Variants in CTNNA3 observed in about 807,000 individuals in gnomAD.
The protein encoded by CTNNA3 is catenin alpha 3.
Under a neutral mutation model 95.7 loss-of-function variants are expected in CTNNA3, and 76 were observed. The observed-to-expected ratio is 0.79, with a 90% CI of 0.66 to 0.96. CTNNA3 has a LOEUF of 0.96. CTNNA3 is among the 40% of genes least tolerant of loss of function. CTNNA3 has a pLI of 0.00. For missense variants in CTNNA3, 1,191 were observed against 1,089.8 expected, an observed-to-expected ratio of 1.09 and a Z score of -1.31; for synonymous variants, 431 against 374.4, an observed-to-expected ratio of 1.15 and a Z score of -1.74.
chr10:66,989,827 T>C (rs1429121677), intron 7 of CTNNA3, among the ~76,000 whole-genome samples: 1 of 152,156 alleles, frequency 6.6e-6, no homozygotes, highest in Non-Finnish European at 1.5e-5. Flanking sequence ...TGAGTGCTTT[T>C]ATTATCCACT....
chr10:66,546,177 T>C (rs572739385), intron 10 of CTNNA3, among the ~76,000 whole-genome samples: 2 of 152,140 alleles, frequency 1.3e-5, no homozygotes, highest in East Asian at 1.9e-4. Context: ...CCCAAGCTTA[T>C]GAAGATATTC....
At chr10:67,648,883 G>T (rs1329292492) in intron 1 of CTNNA3, 4 of 953,120 alleles carry the variant, frequency 4.2e-6, no homozygotes, top group Non-Finnish European at 5.6e-6. Context: ...TCTCTCAAAT[G>T]CATTTCTAGA....
At chr10:67,320,676 T>A (rs919029322) in intron 5 of CTNNA3, among the ~76,000 whole-genome samples, 1 of 152,148 alleles carries the variant, frequency 6.6e-6, no homozygotes, top group Non-Finnish European at 1.5e-5. Context: ...GCCTGGTAGG[T>A]ATTCAATAAA....
intron 7 of CTNNA3, among the ~76,000 whole-genome samples, chr10:66,818,809 A>T (rs1405271195): frequency 6.6e-6 from 1 of 152,060 alleles, no homozygotes; most frequent in African/African-American, 2.4e-5. Flanking sequence ...AGACAATCAT[A>T]GAAAAAAGTT....
intron 14 of CTNNA3, among the ~76,000 whole-genome samples, chr10:66,100,419 T>G (rs2081575439): frequency 6.6e-6 from 1 of 152,144 alleles, no homozygotes; most frequent in Non-Finnish European, 1.5e-5. Flanking sequence ...TTATTTGGGA[T>G]TTATGCAGAG....
chr10:67,731,365 A>G (rs958785555), intron 1 of CTNNA3, among the ~76,000 whole-genome samples: 2 of 152,020 alleles, frequency 1.3e-5, no homozygotes, highest in Non-Finnish European at 2.9e-5. Context: ...TAAAAATACA[A>G]AAATTAGCCA....
intron 14 of CTNNA3, among the ~76,000 whole-genome samples, chr10:66,102,663 T>C (rs1484833757): frequency 2.0e-5 from 3 of 151,906 alleles, no homozygotes; most frequent in African/African-American, 7.3e-5. Flanking sequence ...ATTCAGAAAT[T>C]AGAATAACAT....
chr10:66,020,009 T>G (rs996962956), intron 15 of CTNNA3, among the ~76,000 whole-genome samples: 1 of 152,232 alleles, frequency 6.6e-6, no homozygotes, highest in Non-Finnish European at 1.5e-5. Flanking sequence ...TACCTGATTT[T>G]TAAGCATTTA....
intron 10 of CTNNA3, among the ~76,000 whole-genome samples, chr10:66,583,066 C>G (rs994056826): frequency 6.6e-6 from 1 of 151,800 alleles, no homozygotes. Context: ...ATTTTTGCAT[C>G]TATATTCATC....
intron 5 of CTNNA3, among the ~76,000 whole-genome samples, chr10:67,372,413 A>G (rs188274000): frequency 2.6e-4 from 39 of 152,268 alleles, no homozygotes; most frequent in Admixed American, 2.5e-3. Flanking sequence ...AAGCGTGAAG[A>G]GAAGTTTAGA....
chr10:67,359,797 A>G (rs1842934395), intron 5 of CTNNA3, among the ~76,000 whole-genome samples: 2 of 152,114 alleles, frequency 1.3e-5, no homozygotes, highest in African/African-American at 4.8e-5. Context: ...AGTCCAGGAA[A>G]ATTTCCCAAG....
intron 10 of CTNNA3, among the ~76,000 whole-genome samples, chr10:66,615,186 T>G (rs758950877): frequency 1.3e-5 from 2 of 152,004 alleles, no homozygotes; most frequent in Admixed American, 6.6e-5. Context: ...TATTGAAAAT[T>G]TCCTTCTATT....
intron 7 of CTNNA3, among the ~76,000 whole-genome samples, chr10:67,147,809 C>T (rs1589795000): frequency 6.6e-6 from 1 of 152,140 alleles, no homozygotes; most frequent in East Asian, 1.9e-4. Flanking sequence ...AATGTGTAAA[C>T]ATTACTTTCA....
chr10:67,602,068 AT>A (rs1843100191), intron 3 of CTNNA3, among the ~76,000 whole-genome samples: 1 of 152,208 alleles, frequency 6.6e-6, no homozygotes, highest in Non-Finnish European at 1.5e-5. Context: ...ATTCTTAAAA[AT>A]AAGTCAATAA....
At chr10:66,449,133 G>A (rs1365822055) in intron 11 of CTNNA3, among the ~76,000 whole-genome samples, 4 of 152,022 alleles carry the variant, frequency 2.6e-5, no homozygotes, top group Admixed American at 6.6e-5. Context: ...CCAATAAAAT[G>A]AGAATGCTTA....
At chr10:66,917,873 GCA>G (rs1189606137) in intron 7 of CTNNA3, among the ~76,000 whole-genome samples, 1 of 152,090 alleles carries the variant, frequency 6.6e-6, no homozygotes, top group African/African-American at 2.4e-5. Flanking sequence ...TACATTCAAA[GCA>G]CAGTCATAGA....
chr10:67,024,528 C>A (rs1196951108), intron 7 of CTNNA3, among the ~76,000 whole-genome samples: 1 of 152,118 alleles, frequency 6.6e-6, no homozygotes, highest in African/African-American at 2.4e-5. Flanking sequence ...ATTTGGCCTA[C>A]CATAAGACCA....
chr10:66,269,462 T>G (rs1255599572), intron 13 of CTNNA3, among the ~76,000 whole-genome samples: 2 of 152,210 alleles, frequency 1.3e-5, no homozygotes, highest in African/African-American at 4.8e-5. Flanking sequence ...TATTTTTTAG[T>G]AAACAGACCA....
At chr10:66,873,989 G>C (rs10997426) in intron 7 of CTNNA3, among the ~76,000 whole-genome samples, 20 of 152,254 alleles carry the variant, frequency 1.3e-4, no homozygotes, top group South Asian at 4.2e-4. Flanking sequence ...GAGCAGGGTA[G>C]GAAAGGTACC....
Sources: gnomAD v4.1 joint callset for allele counts (sites outside exome capture counted in the v4.1 genomes callset) on GRCh38, gnomAD v4.1.1 for gene constraint, MANE v1.5 for transcripts, NCBI Gene and HGNC (gene_info 2026-07-23, HGNC 2026-07-21) for gene names.